The following PCDHA7 variants were observed in gnomAD, a reference collection of about 807,000 sequenced individuals.
The protein encoded by PCDHA7 is protocadherin alpha 7.
PCDHA7 carries 37 observed loss-of-function variants against 57.2 expected under a neutral mutation model. The observed-to-expected ratio is 0.65, with a 90% CI of 0.50 to 0.85. The LOEUF (loss-of-function observed/expected upper bound fraction) is 0.85. Ranked by LOEUF, PCDHA7 falls within the 40% of genes least tolerant of loss-of-function variation. The pLI is 0.00. For synonymous variants in PCDHA7, 553 were observed against 558.8 expected (o/e 0.99, Z 0.15); for missense variants, 1,188 against 1,241.8 (o/e 0.96, Z 0.65).
At chr5:140,882,556 T>C (rs367760301) in intron 1 of PCDHA7, 103 of 1,614,070 alleles carry the variant, frequency 6.4e-5, no homozygotes, top group African/African-American at 9.3e-5. Flanking sequence ...AGGAGCTGTG[T>C]GGGCGGAGCG....
At position 140,857,387 on chromosome 5, in the gene PCDHA7, G is replaced by C. The variant is rs369919324; in HGVS notation, c.2355+20649G>C. 21 of 1,598,586 alleles carry C rather than the reference G, an allele frequency of 1.3e-5. 1 individual carries two copies. The Admixed American group carries it at 3.5e-4, about 27-fold the overall frequency. On this transcript the variant is annotated intron_variant, in intron 1 of 3. Coordinates refer to ENST00000525929, the MANE Select transcript of PCDHA7 (RefSeq NM_018910.3). The stretch of plus-strand genomic sequence containing the variant: ...CAGCGTGTCTGTGGAGGTGGCCGAC[G>C]TGAACGACAACGCGCCTGCGTTCGC...
intron 1 of PCDHA7, among the ~76,000 whole-genome samples, chr5:140,922,895 A>G (rs2153566398): frequency 6.6e-6 from 1 of 152,340 alleles, no homozygotes; most frequent in East Asian, 1.9e-4. Context: ...ATTCAAGAAA[A>G]AATTTTGAGA....
intron 1 of PCDHA7, 99 bp from the exon 2 acceptor site, chr5:140,978,850 G>T: frequency 6.3e-7 from 1 of 1,577,084 alleles, no homozygotes; most frequent in Non-Finnish European, 8.6e-7. Flanking sequence ...TTTTTTAGAT[G>T]CCTGGAAATA....
At chr5:140,959,524 C>T (rs187530929) in intron 1 of PCDHA7, among the ~76,000 whole-genome samples, 1 of 152,024 alleles carries the variant, frequency 6.6e-6, no homozygotes. Context: ...ATCTTTAAGA[C>T]CATTAATTCA....
rs1354913404 is a variant in PCDHA7 at position 140,858,709 on chromosome 5, A to G, written c.2355+21971A>G. 5 of 545,256 alleles carry G rather than the reference A, an allele frequency of 9.2e-6. 1 individual carries two copies. The African/African-American group carries it at 9.7e-5, about 11-fold the overall frequency. The allele number at this position is 545,256 out of a possible 1,614,324, so 33.8% of individuals were successfully genotyped here. A position where few individuals can be genotyped will look rare whatever the true frequency, so the allele number is the denominator to read the frequency against. ...ATATTTTCCAATACAAATATGTGATATAGGTTGCAGTTCTGACGATTTACT... is the reference window on the plus strand; with the variant it reads ...ATATTTTCCAATACAAATATGTGATGTAGGTTGCAGTTCTGACGATTTACT... On this transcript the variant is annotated intron_variant, in intron 1 of 3. Transcript: ENST00000525929.
chr5:140,926,229 G>A (rs1251523401), intron 1 of PCDHA7: 1 of 152,186 alleles, frequency 6.6e-6, no homozygotes, highest in Non-Finnish European at 1.5e-5. Context: ...AGCCTAGAAG[G>A]TGTGGTCGCT....
At chr5:140,842,730 C>T (rs1302356073) in intron 1 of PCDHA7, 1 of 1,594,964 alleles carries the variant, frequency 6.3e-7, no homozygotes, top group Non-Finnish European at 8.6e-7. Flanking sequence ...AACAACCCGC[C>T]GGGCTGCCAC....
intron 1 of PCDHA7, chr5:140,853,286 T>G: frequency 2.0e-6 from 2 of 981,814 alleles, no homozygotes; most frequent in Non-Finnish European, 2.5e-6. Flanking sequence ...CATATGCAAA[T>G]TCTCAGAAGG....
intron 1 of PCDHA7, among the ~76,000 whole-genome samples, chr5:140,887,550 TACTG>T (rs2061493394): frequency 1.3e-5 from 2 of 152,206 alleles, no homozygotes; most frequent in Non-Finnish European, 2.9e-5. Flanking sequence ...CCCTCATGGT[TACTG>T]TTAAAACTTT....
intron 1 of PCDHA7, chr5:140,926,951 G>T (rs1554203848): frequency 1.9e-6 from 3 of 1,596,266 alleles, no homozygotes; most frequent in Middle Eastern, 1.7e-4. Context: ...GCTGCAGCGG[G>T]ACAGCTCGAG....
At chr5:140,985,982 G>A (rs1380609067) in intron 3 of PCDHA7, among the ~76,000 whole-genome samples, 3 of 151,940 alleles carry the variant, frequency 2.0e-5, no homozygotes, top group East Asian at 1.9e-4. Flanking sequence ...CTCGTGATCC[G>A]CCCACCTCAG....
In PCDHA7 at chr5:140,967,952, C is replaced by T. The variant is rs562783714; in HGVS notation, c.2356-10997C>T. ...CAGTGTCAATGACCAAGACTCAGGC[C>T]CCAACCGGAAAGTGAGCCTGGGTCT... is the stretch of plus-strand genomic sequence containing the variant. On this transcript the variant is annotated intron_variant, in intron 1 of 3. Coordinates refer to ENST00000525929, the MANE Select transcript of PCDHA7 (RefSeq NM_018910.3). The T allele has an allele frequency of 3.1e-6, 5 of 1,614,176 alleles. No individual in the cohort carries two copies. In the African/African-American group the frequency reaches 6.7e-5, roughly 22 times the overall value.
chr5:140,985,683 G>A (rs926848363), intron 3 of PCDHA7, among the ~76,000 whole-genome samples: 3 of 151,224 alleles, frequency 2.0e-5, no homozygotes, highest in African/African-American at 7.3e-5. Context: ...CCTGCCTTAC[G>A]CTAATCCTCG....
At chr5:140,850,654 T>G in intron 1 of PCDHA7, 1 of 1,598,638 alleles carries the variant, frequency 6.3e-7, no homozygotes, top group Non-Finnish European at 8.6e-7. Flanking sequence ...CTGTACACTG[T>G]GCTGCGGTGC....
chr5:140,861,715 C>A, intron 1 of PCDHA7: 1 of 216,886 alleles, frequency 4.6e-6, no homozygotes, highest in South Asian at 7.0e-5. Flanking sequence ...ACGTCGGGGC[C>A]AATGCTCTGA....
In PCDHA7 at chr5:140,834,304, A is replaced by G. The variant is rs2150215159; in HGVS notation, c.-80A>G. On this transcript the variant is annotated 5_prime_UTR_variant, in exon 1 of 4. Transcript: ENST00000525929. ...TGCACAACAATGGCCACACATCGAG[A>G]TTGAAATGAAGGGATAAAAACATTC... is the stretch of plus-strand genomic sequence containing the variant. The G allele has an allele frequency of 5.3e-6, 7 of 1,322,818 alleles. No homozygotes were observed. Among genetic ancestry groups the G allele is most frequent in the South Asian group, 1.4e-5 (1 of 70,784 alleles). 81.9% of individuals were successfully genotyped at this position (1,322,818 alleles called of 1,614,324 possible).
intron 2 of PCDHA7, 146 bp downstream of exon 2, chr5:140,979,153 G>A (rs2096837239): frequency 2.8e-6 from 4 of 1,434,028 alleles, no homozygotes; most frequent in Non-Finnish European, 2.7e-6. Context: ...TTGTCCCCAT[G>A]TTTATTCCTT....
At chr5:140,915,244 G>A (rs1440851135) in intron 1 of PCDHA7, among the ~76,000 whole-genome samples, 2 of 152,058 alleles carry the variant, frequency 1.3e-5, no homozygotes, top group Non-Finnish European at 2.9e-5. Flanking sequence ...ACCATGCCTG[G>A]CCAGGTTGTT....
At chr5:140,857,662 TGGG>T (rs782196034) in intron 1 of PCDHA7, 1 of 1,596,528 alleles carries the variant, frequency 6.3e-7, no homozygotes. Context: ...GCGCGCGCGA[TGGG>T]GGCGTGCCGC....
Sources: gnomAD v4.1 joint callset for allele counts (sites outside exome capture counted in the v4.1 genomes callset) on GRCh38, gnomAD v4.1.1 for gene constraint, MANE v1.5 for transcripts, NCBI Gene and HGNC (gene_info 2026-07-23, HGNC 2026-07-21) for gene names.